The following FLT1 variants were observed in gnomAD, a reference collection of about 807,000 sequenced individuals.
FLT1 encodes fms related receptor tyrosine kinase 1.
FLT1 carries 49 observed loss-of-function variants against 156.3 expected under a neutral mutation model. That is an observed-to-expected ratio of 0.31 (90% CI 0.25 to 0.40). FLT1 has a LOEUF of 0.40. Among genes scored for constraint, FLT1 ranks in the 10% least tolerant of loss-of-function variants. The pLI, the probability that FLT1 is intolerant of heterozygous loss-of-function variation, is 1.00. For synonymous variants in FLT1, 594 were observed against 583.8 expected (o/e 1.02, Z -0.25); for missense variants, 1,322 against 1,637.2 (o/e 0.81, Z 3.32).
At chr13:28,401,140 C>T (rs540938008) in intron 11 of FLT1, among the ~76,000 whole-genome samples, 3 of 152,164 alleles carry the variant, frequency 2.0e-5, no homozygotes, top group South Asian at 2.1e-4. Context: ...GCAGGAGAAT[C>T]GCTTGAACAT....
At chr13:28,476,377 A>AT (rs1880547045) in intron 1 of FLT1, among the ~76,000 whole-genome samples, 1 of 152,232 alleles carries the variant, frequency 6.6e-6, no homozygotes, top group East Asian at 1.9e-4. Context: ...CCTTATGCAG[A>AT]TAAGATTATT....
intron 23 of FLT1, among the ~76,000 whole-genome samples, chr13:28,321,046 G>A (rs1487539346): frequency 4.6e-5 from 7 of 152,240 alleles, no homozygotes; most frequent in Admixed American, 1.3e-4. Flanking sequence ...GGTCTTCCCC[G>A]CCCTTTCCTG....
chr13:28,326,213 G>A (rs1048058934), intron 20 of FLT1, among the ~76,000 whole-genome samples: 9 of 152,268 alleles, frequency 5.9e-5, no homozygotes, highest in African/African-American at 2.2e-4. Flanking sequence ...CCATCAGCTG[G>A]ATTCTATTAT....
chr13:28,331,675 C>T (rs545221541), intron 18 of FLT1, among the ~76,000 whole-genome samples: 20 of 152,302 alleles, frequency 1.3e-4, no homozygotes, highest in African/African-American at 2.9e-4. Flanking sequence ...CATGATCTGC[C>T]GGCCTCGGCC....
chr13:28,440,350 A>G (rs1242778957), intron 3 of FLT1, among the ~76,000 whole-genome samples: 1 of 152,218 alleles, frequency 6.6e-6, no homozygotes, highest in Non-Finnish European at 1.5e-5. Flanking sequence ...AGTTGTCTAG[A>G]TGGGCACAGC....
chr13:28,344,783 G>A (rs1872497069), intron 16 of FLT1, among the ~76,000 whole-genome samples: 1 of 149,470 alleles, frequency 6.7e-6, no homozygotes, highest in African/African-American at 2.5e-5. Flanking sequence ...GTCAAAGGTG[G>A]GGCCTTTACT....
intron 1 of FLT1, among the ~76,000 whole-genome samples, chr13:28,488,520 A>T (rs1184724052): frequency 3.3e-5 from 5 of 152,232 alleles, no homozygotes. Flanking sequence ...TTATTAAAGT[A>T]TAGGCTCTGA....
At position 28,319,416 on chromosome 13, in the gene FLT1, A is replaced by T. The variant is rs771331232; in HGVS notation, c.3286+7T>A. On this transcript the variant is annotated splice_region_variant and intron_variant, in intron 24 of 29. Coordinates refer to ENST00000282397, the MANE Select transcript of FLT1 (RefSeq NM_002019.4). ...GCTGTTTGATTTCTTCCTTCTCCCA[A>T]ATTTACCTAAGGAGAAGATTTCCCA... 4 of 1,582,838 alleles carry T rather than the reference A, an allele frequency of 2.5e-6. No homozygotes were observed. In the Admixed American group the frequency reaches 5.0e-5, roughly 20 times the overall value.
chr13:28,326,436 A>C (rs1305142068), intron 20 of FLT1, among the ~76,000 whole-genome samples: 1 of 151,982 alleles, frequency 6.6e-6, no homozygotes, highest in Non-Finnish European at 1.5e-5. Flanking sequence ...TTCAGCTCAG[A>C]GAAGGACACA....
At chr13:28,459,433 A>G (rs1879441791) in intron 3 of FLT1, among the ~76,000 whole-genome samples, 1 of 152,224 alleles carries the variant, frequency 6.6e-6, no homozygotes. Flanking sequence ...CACACATTTC[A>G]GAAAATACAT....
chr13:28,441,800 A>G (rs1374906304), intron 3 of FLT1, among the ~76,000 whole-genome samples: 2 of 152,026 alleles, frequency 1.3e-5, no homozygotes, highest in African/African-American at 4.8e-5. Context: ...AAAAATGATT[A>G]TCTTTGGGTG....
At position 28,329,707 on chromosome 13, in the gene FLT1, T is replaced by C. The variant is rs1593685325; in HGVS notation, c.2615A>G (p.Tyr872Cys). The C allele has an allele frequency of 6.2e-7, 1 of 1,614,144 alleles. No homozygotes were observed. Among genetic ancestry groups the C allele is most frequent in the South Asian group, 1.1e-5 (1 of 91,064 alleles). ...MLKEGATASEYKALMTELKIL... is the reference protein window; with the variant it reads ...MLKEGATASECKALMTELKIL... ...TTTTAGCTCAGTCATCAGAGCTTTG[T>C]ACTCGCTGGCCGTGGCCCCCTCTGT... The change falls in exon 19 of 30, where the codon TAC becomes TGC. Residue 872 changes from tyrosine to cysteine, a missense_variant. By Grantham distance (194) the Tyr-to-Cys change is radical (BLOSUM62 -2). Coordinates refer to ENST00000282397, the MANE Select transcript of FLT1 (RefSeq NM_002019.4).
In FLT1 at chr13:28,372,566, G is replaced by GTATATATATATATATATATATATATA. The variant is rs57608920; in HGVS notation, c.2116+12293_2116+12318dup. On this transcript the variant is annotated intron_variant, in intron 14 of 29. Coordinates refer to ENST00000282397, the MANE Select transcript of FLT1 (RefSeq NM_002019.4). ...CATATATTCCTCGTTTAAATAAAAT[G>GTATATATATATATATATATATATATA]TATATATATATATATATATATATAT... Among the ~76,000 whole-genome samples the GTATATATATATATATATATATATATA allele has an allele frequency of 1.6e-4, 15 of 91,450 alleles. 1 individual carries two copies. Among genetic ancestry groups the GTATATATATATATATATATATATATA allele is most frequent in the South Asian group, 4.4e-4 (1 of 2,276 alleles). 60.0% of individuals were successfully genotyped at this position (91,450 alleles called of 152,430 possible). A position where few individuals can be genotyped will look rare whatever the true frequency, so the allele number is the denominator to read the frequency against.
chr13:28,307,186 G>T (rs1007806091), intron 28 of FLT1, among the ~76,000 whole-genome samples: 7 of 152,082 alleles, frequency 4.6e-5, no homozygotes, highest in African/African-American at 1.4e-4. Flanking sequence ...GACATCATTC[G>T]ATTTTTTTTC....
chr13:28,309,687 C>G (rs925814173), intron 27 of FLT1, among the ~76,000 whole-genome samples: 3 of 146,042 alleles, frequency 2.1e-5, no homozygotes, highest in South Asian at 4.6e-4. Flanking sequence ...TCTAACCCAG[C>G]CAGACCTTGC....
intron 1 of FLT1, among the ~76,000 whole-genome samples, chr13:28,488,528 T>A (rs1881293839): frequency 6.6e-6 from 1 of 152,198 alleles, no homozygotes; most frequent in Non-Finnish European, 1.5e-5. Context: ...GTATAGGCTC[T>A]GAGTCATCAA....
chr13:28,396,413 T>C (rs1875045781), intron 12 of FLT1, among the ~76,000 whole-genome samples: 1 of 152,138 alleles, frequency 6.6e-6, no homozygotes, highest in Non-Finnish European at 1.5e-5. Flanking sequence ...GTTTTTAAGA[T>C]TTGCAGAGAC....
At chr13:28,433,623 A>C (rs1877835898) in intron 6 of FLT1, among the ~76,000 whole-genome samples, 196 bp downstream of exon 6, 1 of 152,206 alleles carries the variant, frequency 6.6e-6, no homozygotes, top group Non-Finnish European at 1.5e-5. Flanking sequence ...CAGACATCAA[A>C]AGACAGTATC....
chr13:28,443,091 G>A (rs576224980), intron 3 of FLT1, among the ~76,000 whole-genome samples: 2 of 152,284 alleles, frequency 1.3e-5, no homozygotes, highest in South Asian at 2.1e-4. Flanking sequence ...AGGGACTCAT[G>A]CCAACACTCA....
Sources: allele counts gnomAD v4.1 joint callset (sites outside exome capture counted in the v4.1 genomes callset), GRCh38; gene constraint gnomAD v4.1.1; transcripts MANE v1.5; gene names NCBI Gene and HGNC (gene_info 2026-07-23, HGNC 2026-07-21).